Variants in NPHS1 observed in about 807,000 individuals in gnomAD.
NPHS1 encodes the protein nephrin.
Under a neutral mutation model 139.7 loss-of-function variants are expected in NPHS1, and 107 were observed. That is an observed-to-expected ratio of 0.77 (90% CI 0.66 to 0.90). The LOEUF is 0.90. NPHS1 is among the 40% of genes least tolerant of loss of function. NPHS1 has a pLI of 0.00. For missense variants in NPHS1, 1,580 were observed against 1,654.2 expected, an observed-to-expected ratio of 0.96 and a Z score of 0.78; for synonymous variants, 707 against 706.6, an observed-to-expected ratio of 1.00 and a Z score of -0.01.
At position 35,844,151 on chromosome 19, in the gene NPHS1, G is replaced by C; in HGVS notation, c.2164C>G (p.Gln722Glu). ...ADDGLYQLHC[Q>E]NSEGTAEARL... is the part of the protein sequence containing the mutation. The stretch of plus-strand genomic sequence containing the variant: ...GCTTCCGCGGTGCCCTCAGAGTTCT[G>C]GCAGTGCAGCTGATAGAGGCCGTCG... Residue 722 changes from glutamine (Q) to glutamate (E), a missense_variant, in exon 16 of 29, where the codon CAG becomes GAG. By Grantham distance (29) the Gln-to-Glu change is conservative. Transcript: ENST00000378910. 2 of 1,610,128 alleles carry C rather than the reference G, an allele frequency of 1.2e-6. No homozygotes were observed. Among genetic ancestry groups the C allele is most frequent in the East Asian group, 4.5e-5 (2 of 44,892 alleles).
rs1973127795 is a variant in NPHS1, at chr19:35,845,607, C to T, written c.1757+62G>A. 1.3e-6 allele frequency: 2 copies of T among 1,599,010 alleles called. No individual in the cohort carries two copies. Among genetic ancestry groups the T allele is most frequent in the South Asian group, 2.2e-5 (2 of 90,032 alleles). On this transcript the variant is annotated intron_variant, in intron 13 of 28. Transcript: ENST00000378910. This position sits in a 1 kb window ranked among gnomAD's most constrained non-coding sequence, Gnocchi z 5.5. ...AGGCTGGAGAGGCACTAGGCGGGGG[C>T]GGGACATGCGTGGAGGGGGCGAGGC...
At chr19:35,851,227 C>A in intron 3 of NPHS1, 35 bp downstream of exon 3, 1 of 1,613,694 alleles carries the variant, frequency 6.2e-7, no homozygotes, top group South Asian at 1.1e-5. Context: ...GCTTGAAGCC[C>A]AGACTCATGG....
intron 1 of NPHS1, 22 bp from the exon 2 acceptor site, chr19:35,851,694 A>C: frequency 1.2e-6 from 2 of 1,600,442 alleles, no homozygotes; most frequent in East Asian, 2.3e-5. Flanking sequence ...GCGCGGTGCA[A>C]GGAAAGGGCA....
intron 11 of NPHS1, among the ~76,000 whole-genome samples, chr19:35,847,193 C>T (rs1973155499): frequency 6.6e-6 from 1 of 151,710 alleles, no homozygotes; most frequent in Middle Eastern, 3.2e-3. Context: ...CTACAGGCAC[C>T]TGCCACCACG....
In NPHS1 at chr19:35,835,687, A is replaced by C. The variant is rs1044542405; in HGVS notation, c.3166+18T>G. 1 of 1,611,472 alleles carries C rather than the reference A, an allele frequency of 6.2e-7. No homozygotes were observed. Among genetic ancestry groups the C allele is most frequent in the East Asian group, 2.2e-5 (1 of 44,746 alleles). ...ATTCTCAGGGGAGCCGGGAGGGATC[A>C]GGGGACTGAGGACTTGCCTGAAGGT... On this transcript the variant is annotated intron_variant, in intron 23 of 28. Transcript: ENST00000378910.
chr19:35,832,913 C>A (rs1972903541), intron 23 of NPHS1, among the ~76,000 whole-genome samples: 1 of 141,240 alleles, frequency 7.1e-6, no homozygotes, highest in Non-Finnish European at 1.5e-5. Context: ...AAAAAAGAGT[C>A]TCACTCTTTC....
Position 35,839,534 on chromosome 19 carries a change from A to G in NPHS1, c.2889T>C (p.Pro963=), listed in dbSNP as rs776455373. 1.2e-6 allele frequency: 2 copies of G among 1,614,030 alleles called. No individual in the cohort carries two copies. Among genetic ancestry groups the G allele is most frequent in the Non-Finnish European group, 1.7e-6 (2 of 1,180,030 alleles). ...TPHSVGLEWK[P]GFDGGLPQRF... ...TCTGTGGCAGGCCCCCATCAAAGCC[A>G]GGCTTCCACTCCAGCCCCACGGAGT... The change falls in exon 21 of 29, where the codon CCT becomes CCC. Residue 963 remains proline (P), a synonymous_variant. Transcript: ENST00000378910.
Position 35,844,138 on chromosome 19 carries a change from C to G in NPHS1, c.2177G>C (p.Gly726Ala). ...CAGCCGCAGCCGCGCTTCCGCGGTG[C>G]CCTCAGAGTTCTGGCAGTGCAGCTG... ...LYQLHCQNSE[G>A]TAEARLRLDV... The change falls in exon 16 of 29, where the codon GGC (glycine) becomes GCC (alanine). Residue 726 changes from glycine (G) to alanine (A), a missense_variant. Coordinates refer to ENST00000378910, the MANE Select transcript of NPHS1 (RefSeq NM_004646.4). 2 of 1,609,342 alleles carry G rather than the reference C, an allele frequency of 1.2e-6. No individual in the cohort carries two copies. Among genetic ancestry groups the G allele is most frequent in the Non-Finnish European group, 8.5e-7 (1 of 1,179,962 alleles).
intron 16 of NPHS1, 25 bp downstream of exon 16, chr19:35,844,078 G>T: frequency 6.2e-7 from 1 of 1,604,280 alleles, no homozygotes; most frequent in Non-Finnish European, 8.5e-7. Context: ...GGGTGGGTGT[G>T]GTTTCCATGG....
Position 35,825,473 on chromosome 19 carries a change from C to G in NPHS1, c.*1041G>C, listed in dbSNP as rs972581445. On this transcript the variant is annotated 3_prime_UTR_variant, in exon 29 of 29. Transcript: ENST00000378910. ...ATGAGTTTTGACAAATCTGTGCACC[C>G]GTGCAACCACCACCACAATCGTTAT... Among the ~76,000 whole-genome samples, 3 of 152,082 alleles carry G rather than the reference C, an allele frequency of 2.0e-5. No homozygotes were observed. The highest frequency in any genetic ancestry group is 2.9e-5 in the Non-Finnish European group (2 of 68,016).
chr19:35,831,428 C>G, intron 25 of NPHS1, 48 bp downstream of exon 25: 1 of 1,613,562 alleles, frequency 6.2e-7, no homozygotes. Context: ...ACCAGTCTCC[C>G]CCAAACCTCC....
intron 7 of NPHS1, 29 bp downstream of exon 7, chr19:35,849,207 C>A (rs371014705): frequency 1.9e-6 from 3 of 1,613,656 alleles, no homozygotes; most frequent in African/African-American, 2.7e-5. Context: ...CACTGTCCCC[C>A]CATTCCCCAT....
In NPHS1 at chr19:35,851,929, C is replaced by T; in HGVS notation, c.-92G>A. 9.3e-7 allele frequency: 1 copy of T among 1,078,252 alleles called. No individual in the cohort carries two copies. The highest frequency in any genetic ancestry group is 1.6e-5 in the African/African-American group (1 of 63,482). The allele number at this position is 1,078,252 out of a possible 1,614,324, so 66.8% of individuals were successfully genotyped here. On this transcript the variant is annotated 5_prime_UTR_variant, in exon 1 of 29. Coordinates refer to ENST00000378910, the MANE Select transcript of NPHS1 (RefSeq NM_004646.4). ...CTGGGTCCCTCTCTGTGTGTCTCTG[C>T]CACCTGCTTTTCTTTTTTATCTCTT... is the stretch of plus-strand genomic sequence containing the variant.
chr19:35,839,302 G>A lies in NPHS1; in HGVS notation c.3044C>T (p.Ala1015Val). The A allele has an allele frequency of 1.9e-6, 3 of 1,614,210 alleles. No individual in the cohort carries two copies. The change falls in exon 22 of 29, where the codon GCC (alanine) becomes GTC (valine). Residue 1015 changes from alanine (A) to valine (V), a missense_variant. By Grantham distance (64) the Ala-to-Val change is moderately conservative. Coordinates refer to ENST00000378910, the MANE Select transcript of NPHS1 (RefSeq NM_004646.4). Reference sequence around the variant, plus strand: ...TCCACTGTCCCCCAAGGCATTACTGGCCAGCAGCCAGACCCTGTATCTTGT... The same window carrying A: ...TCCACTGTCCCCCAAGGCATTACTGACCAGCAGCCAGACCCTGTATCTTGT... ...PSTRYRVWLL[A>V]SNALGDSGLA... is the part of the protein sequence containing the mutation.
chr19:35,837,938 T>TAAAAAA lies in NPHS1; in HGVS notation c.3109+1293_3109+1298dup, dbSNP rs1200757977. On this transcript the variant is annotated intron_variant, in intron 22 of 28. Coordinates refer to ENST00000378910, the MANE Select transcript of NPHS1 (RefSeq NM_004646.4). ...GAATATGCATTTGAGGTTATTCTCT[T>TAAAAAA]AAAAAAAAAAAAAAAAAAAAAACGA... Among the ~76,000 whole-genome samples the TAAAAAA allele has an allele frequency of 8.5e-3, 849 of 99,352 alleles. 4 individuals are homozygous for TAAAAAA. The highest frequency in any genetic ancestry group is 0.012 in the Non-Finnish European group (633 of 51,636). 65.2% of individuals were successfully genotyped at this position (99,352 alleles called of 152,430 possible). A position where few individuals can be genotyped will look rare whatever the true frequency, so the allele number is the denominator to read the frequency against.
chr19:35,845,924 G>C lies in NPHS1; in HGVS notation c.1627+84C>G, dbSNP rs371064359. On this transcript the variant is annotated intron_variant, in intron 12 of 28. Transcript: ENST00000378910. This position sits in a 1 kb window ranked among gnomAD's most constrained non-coding sequence, Gnocchi z 5.5. ...CACCCCGCCTCCGCCCGCTTTCCCCGGGTCCAGGGTTCGCTGGGTCCCTGC... is the reference window on the plus strand; with the variant it reads ...CACCCCGCCTCCGCCCGCTTTCCCCCGGTCCAGGGTTCGCTGGGTCCCTGC... 2 of 1,521,762 alleles carry C rather than the reference G, an allele frequency of 1.3e-6. No individual in the cohort carries two copies. Among genetic ancestry groups the C allele is most frequent in the Non-Finnish European group, 1.8e-6 (2 of 1,130,680 alleles). 94.3% of individuals were successfully genotyped at this position (1,521,762 alleles called of 1,614,324 possible).
intron 23 of NPHS1, among the ~76,000 whole-genome samples, chr19:35,835,048 C>T (rs1972937290): frequency 6.7e-6 from 1 of 149,370 alleles, no homozygotes; most frequent in South Asian, 2.1e-4. Context: ...AAAAGTACAA[C>T]AATTAGCCAG....
rs745996467 is a variant in NPHS1 at position 35,845,585 on chromosome 19, C to G, written c.1758-45G>C. The stretch of plus-strand genomic sequence containing the variant: ...CCAGGGCTGCGAGCGGAGCCAGAGG[C>G]TGGAGAGGCACTAGGCGGGGGCGGG... On this transcript the variant is annotated intron_variant, in intron 13 of 28. Transcript: ENST00000378910. The surrounding 1 kb of genome is among the most constrained non-coding windows in gnomAD (Gnocchi z 5.5). The G allele has an allele frequency of 6.2e-6, 10 of 1,607,204 alleles. No individual in the cohort carries two copies. The highest frequency in any genetic ancestry group is 1.7e-4 in the Middle Eastern group (1 of 6,052).
Position 35,831,755 on chromosome 19 carries a change from C to T in NPHS1, c.3174G>A (p.Ser1058=), listed in dbSNP as rs1329741277. Residue 1058 remains serine, a synonymous_variant, in exon 24 of 29, where the codon TCG becomes TCA. Transcript: ENST00000378910. ...ACAGCACAGGCAGCAGGGGCAGCCC[C>T]GAGGGTCCTAGGGGTGGAAGATACC... ...QLPTEPPSGP[S]GLPLLPVLFA... is the part of the protein sequence containing the mutation. 1.2e-5 allele frequency: 19 copies of T among 1,570,326 alleles called. No homozygotes were observed. Among genetic ancestry groups the T allele is most frequent in the African/African-American group, 2.7e-5 (2 of 73,628 alleles).
Sources: gnomAD v4.1 joint callset for allele counts (sites outside exome capture counted in the v4.1 genomes callset) on GRCh38, gnomAD v4.1.1 for gene constraint, Gnocchi (gnomAD v3.1) non-coding constraint, MANE v1.5 for transcripts, NCBI Gene and HGNC (gene_info 2026-07-23, HGNC 2026-07-21) for gene names.